The following PRKN variants were observed in gnomAD, a reference collection of about 807,000 sequenced individuals.
PRKN encodes parkin RBR E3 ubiquitin protein ligase, also known as E3 ubiquitin-protein ligase parkin.
In PRKN, 56 loss-of-function variants were observed where a neutral mutation model predicts 59.5. The ratio of observed to expected loss-of-function variants is 0.94; its 90% confidence interval spans 0.76 to 1.18. The LOEUF is 1.18. Ranked by LOEUF, PRKN falls within the 50% of genes most tolerant of loss-of-function variation. The probability of loss-of-function intolerance (pLI) is 0.00; values close to 1 mark genes in which losing one functional copy is unlikely to be tolerated. For missense variants in PRKN, 657 were observed against 596.4 expected (o/e 1.10, Z -1.06); for synonymous variants, 250 against 222.1 (o/e 1.13, Z -1.12).
intron 3 of PRKN, among the ~76,000 whole-genome samples, chr6:162,224,189 G>A (rs1201989014): frequency 6.6e-6 from 1 of 152,120 alleles, no homozygotes; most frequent in Non-Finnish European, 1.5e-5. Flanking sequence ...GATACACTGA[G>A]TTTACAGAAC....
chr6:161,906,014 G>A (rs563362594), intron 6 of PRKN, among the ~76,000 whole-genome samples: 1 of 146,872 alleles, frequency 6.8e-6, no homozygotes, highest in Non-Finnish European at 1.5e-5. Flanking sequence ...AATTTTAAAA[G>A]AGAGACAGGG....
intron 1 of PRKN, among the ~76,000 whole-genome samples, chr6:162,573,040 T>C (rs1446954927): frequency 1.3e-5 from 2 of 152,226 alleles, no homozygotes; most frequent in African/African-American, 2.4e-5. Flanking sequence ...AAAACTGTCC[T>C]TTAAATGCCC....
At chr6:162,010,090 A>G (rs1006880964) in intron 5 of PRKN, among the ~76,000 whole-genome samples, 2 of 150,734 alleles carry the variant, frequency 1.3e-5, no homozygotes, top group Non-Finnish European at 2.9e-5. Flanking sequence ...CATTTTAGAA[A>G]TGGGAACAAT....
Position 161,975,085 on chromosome 6 carries a change from CT to C in PRKN, c.619-1669del, listed in dbSNP as rs769121865. On this transcript the variant is annotated intron_variant, in intron 5 of 11. Coordinates refer to ENST00000366898, the MANE Select transcript of PRKN (RefSeq NM_004562.3). ...ATTAGGATAGGCATGACATATACTT[CT>C]TTTTTTTTTTTTTTTTTTTTTGAGA... Among the ~76,000 whole-genome samples, 997 of 124,462 alleles carry C rather than the reference CT, an allele frequency of 8.0e-3. 2 individuals carry two copies. The highest frequency in any genetic ancestry group is 0.017 in the African/African-American group (547 of 32,268). 81.7% of individuals were successfully genotyped at this position (124,462 alleles called of 152,430 possible).
intron 6 of PRKN, among the ~76,000 whole-genome samples, chr6:161,909,881 T>G (rs1360492028): frequency 2.6e-5 from 4 of 152,170 alleles, no homozygotes; most frequent in African/African-American, 9.6e-5. Flanking sequence ...CTCTTGGCAA[T>G]AGTGCAATAG....
chr6:162,156,103 T>C (rs2128315071), intron 4 of PRKN, among the ~76,000 whole-genome samples: 1 of 152,220 alleles, frequency 6.6e-6, no homozygotes, highest in Non-Finnish European at 1.5e-5. Flanking sequence ...AATATTTACA[T>C]CCCTATGTAC....
chr6:162,498,158 C>G lies in PRKN; in HGVS notation c.8-54685G>C, dbSNP rs546649319. ...GTTGTGTTCAGTTCCACCTTTGAAC[C>G]CTCAGAACAAGGGATTTGTGCTTAT... On this transcript the variant is annotated intron_variant, in intron 1 of 11. Coordinates refer to ENST00000366898, the MANE Select transcript of PRKN (RefSeq NM_004562.3). 5.3e-5 allele frequency among the ~76,000 whole-genome samples: 8 copies of G among 152,088 alleles called. No homozygotes were observed. In the East Asian group the frequency reaches 5.8e-4, roughly 11 times the overall value.
intron 4 of PRKN, among the ~76,000 whole-genome samples, chr6:162,160,747 T>G (rs1782714643): frequency 6.6e-6 from 1 of 151,580 alleles, no homozygotes; most frequent in Non-Finnish European, 1.5e-5. Context: ...GGAACTGTGC[T>G]TTAAGAGGGG....
At chr6:161,774,298 T>C (rs1220268656) in intron 7 of PRKN, among the ~76,000 whole-genome samples, 1 of 151,858 alleles carries the variant, frequency 6.6e-6, no homozygotes, top group Admixed American at 6.6e-5. Context: ...CGTTAGAGAC[T>C]GCTGTGTGTT....
chr6:162,727,387 G>C, intron 1 of PRKN: 1 of 484,406 alleles, frequency 2.1e-6, no homozygotes. Context: ...GAGGAGCGGG[G>C]GTGCGGGGCC....
At position 161,588,785 on chromosome 6, in the gene PRKN, G is replaced by A. The variant is rs1781610447; in HGVS notation, c.872-19369C>T. ...AAACCCAAAGTGGCTCTTGAGAGAA[G>A]GACAGAACTTAATTTTGGCACAAGC... is the stretch of plus-strand genomic sequence containing the variant. On this transcript the variant is annotated intron_variant, in intron 7 of 11. Transcript: ENST00000366898. This position sits in a 1 kb window ranked among gnomAD's most constrained non-coding sequence, Gnocchi z 5.0. 6.6e-6 allele frequency among the ~76,000 whole-genome samples: 1 copy of A among 152,108 alleles called. No homozygotes were observed. The highest frequency in any genetic ancestry group is 2.4e-5 in the African/African-American group (1 of 41,410).
intron 2 of PRKN, among the ~76,000 whole-genome samples, chr6:162,296,480 AT>A (rs1020229228): frequency 5.9e-5 from 9 of 152,150 alleles, no homozygotes; most frequent in Non-Finnish European, 1.0e-4. Flanking sequence ...AGCTTCTGAA[AT>A]CCCCCGGAGC....
chr6:161,394,448 C>T (rs996402007), intron 9 of PRKN, among the ~76,000 whole-genome samples: 14 of 152,196 alleles, frequency 9.2e-5, no homozygotes, highest in African/African-American at 3.4e-4. Flanking sequence ...TGACCTCCAA[C>T]ACCCTGCAGC....
At chr6:161,358,935 C>T (rs371349933) in intron 11 of PRKN, among the ~76,000 whole-genome samples, 70 of 151,824 alleles carry the variant, frequency 4.6e-4, no homozygotes, top group African/African-American at 1.7e-3. Flanking sequence ...GCTGGGACTA[C>T]AGGCGCCCGC....
chr6:162,681,481 G>A (rs765703055), intron 1 of PRKN, among the ~76,000 whole-genome samples: 16 of 152,096 alleles, frequency 1.1e-4, no homozygotes, highest in Non-Finnish European at 2.4e-4. Flanking sequence ...AAGGACCAGA[G>A]ACTACTCCCT....
chr6:162,684,225 T>C (rs958765966), intron 1 of PRKN, among the ~76,000 whole-genome samples: 1 of 152,146 alleles, frequency 6.6e-6, no homozygotes, highest in African/African-American at 2.4e-5. Context: ...TTTATCTTTG[T>C]TGAAGTATGC....
intron 9 of PRKN, among the ~76,000 whole-genome samples, chr6:161,521,862 T>C (rs909732112): frequency 6.6e-6 from 1 of 152,180 alleles, no homozygotes; most frequent in Non-Finnish European, 1.5e-5. Flanking sequence ...ATGCAATGAA[T>C]ATGCACTTGA....
Position 161,432,532 on chromosome 6 carries a change from A to ATTT in PRKN, c.1084-45658_1084-45656dup, listed in dbSNP as rs767620173. 6.3e-3 allele frequency among the ~76,000 whole-genome samples: 785 copies of ATTT among 125,464 alleles called. 4 individuals carry two copies. Among genetic ancestry groups the ATTT allele is most frequent in the Middle Eastern group, 0.036 (8 of 224 alleles). 82.3% of individuals were successfully genotyped at this position (125,464 alleles called of 152,430 possible). On this transcript the variant is annotated intron_variant, in intron 9 of 11. Transcript: ENST00000366898. ...CGCCCGCCATCACCATGCCCAGCTA[A>ATTT]TTTTTTTTTTTTTTTTTTTTTGTAT...
Position 161,350,916 on chromosome 6 carries a change from AT to A in PRKN, c.1286-706del, listed in dbSNP as rs1305719413. On this transcript the variant is annotated intron_variant, in intron 11 of 11. Transcript: ENST00000366898. ...AAATATATATAAATATATTTTATAT[AT>A]TTATATTTAAAATATATATAAATAT... Among the ~76,000 whole-genome samples, 20 of 91,554 alleles carry A rather than the reference AT, an allele frequency of 2.2e-4. No homozygotes were observed. In the South Asian group the frequency reaches 3.8e-3, roughly 17 times the overall value. 60.1% of individuals were successfully genotyped at this position (91,554 alleles called of 152,430 possible).
Sources: allele counts gnomAD v4.1 joint callset (sites outside exome capture counted in the v4.1 genomes callset), GRCh38; gene constraint gnomAD v4.1.1; non-coding constraint Gnocchi (gnomAD v3.1); transcripts MANE v1.5; gene names NCBI Gene and HGNC (gene_info 2026-07-23, HGNC 2026-07-21).